The following FRMPD2 variants were observed in gnomAD, a reference collection of about 807,000 sequenced individuals.
FRMPD2 encodes the protein FERM and PDZ domain containing 2, also known as FERM and PDZ domain-containing protein 2.
In FRMPD2, 96 loss-of-function variants were observed where a neutral mutation model predicts 140.1. The observed-to-expected ratio is 0.69, with a 90% CI of 0.58 to 0.81. FRMPD2 has a LOEUF of 0.81. Ranked by LOEUF, FRMPD2 falls within the 40% of genes least tolerant of loss-of-function variation. The probability of loss-of-function intolerance (pLI) is 0.00; values close to 1 mark genes in which losing one functional copy is unlikely to be tolerated. For missense variants in FRMPD2, 1,240 were observed against 1,447.4 expected (o/e 0.86, Z 2.32); for synonymous variants, 449 against 547.6 (o/e 0.82, Z 2.52).
At chr10:48,175,625 C>T (rs1838386295) in intron 23 of FRMPD2, among the ~76,000 whole-genome samples, 1 of 152,000 alleles carries the variant, frequency 6.6e-6, no homozygotes, top group Non-Finnish European at 1.5e-5. Context: ...ATCACCTATG[C>T]TTCCCAGTGT....
rs990005692 is a variant in FRMPD2 at position 48,195,968 on chromosome 10, A to T, written c.1955-3074T>A. Reference sequence around the variant, plus strand: ...GTCTGCACAGCAGAGGGAGTGGTCCATCCACCTAGGAAGAGCCACCTGGGG... The same window carrying T: ...GTCTGCACAGCAGAGGGAGTGGTCCTTCCACCTAGGAAGAGCCACCTGGGG... On this transcript the variant is annotated intron_variant, in intron 15 of 28. Transcript: ENST00000374201. Among the ~76,000 whole-genome samples, 6 of 152,234 alleles carry T rather than the reference A, an allele frequency of 3.9e-5. No homozygotes were observed. The East Asian group carries it at 7.7e-4, about 20-fold the overall frequency.
intron 3 of FRMPD2, among the ~76,000 whole-genome samples, chr10:48,246,117 C>T (rs1840243104): frequency 6.6e-6 from 1 of 151,858 alleles, no homozygotes; most frequent in South Asian, 2.1e-4. Flanking sequence ...AGAGAAAGGA[C>T]CCAAAGAGCA....
At chr10:48,178,592 A>C (rs1468535205) in intron 21 of FRMPD2, among the ~76,000 whole-genome samples, 1 of 152,032 alleles carries the variant, frequency 6.6e-6, no homozygotes, top group African/African-American at 2.4e-5. Flanking sequence ...TCTAAAGTCC[A>C]CCATACCACA....
At chr10:48,235,620 C>T (rs1380300796) in intron 9 of FRMPD2, among the ~76,000 whole-genome samples, 5 of 152,178 alleles carry the variant, frequency 3.3e-5, no homozygotes, top group Non-Finnish European at 5.9e-5. Flanking sequence ...CCACTCAAGC[C>T]CTGCCTCCAA....
intron 2 of FRMPD2, among the ~76,000 whole-genome samples, chr10:48,250,941 C>T (rs940317097): frequency 2.7e-5 from 4 of 150,736 alleles, no homozygotes; most frequent in Non-Finnish European, 4.4e-5. Flanking sequence ...AGATTACAGG[C>T]GAGCGCAACC....
At chr10:48,191,023 A>G (rs1373167620) in intron 16 of FRMPD2, among the ~76,000 whole-genome samples, 1 of 152,230 alleles carries the variant, frequency 6.6e-6, no homozygotes, top group Non-Finnish European at 1.5e-5. Flanking sequence ...CAAGAAGTGG[A>G]GACTATTTCT....
intron 14 of FRMPD2, among the ~76,000 whole-genome samples, chr10:48,202,251 A>G (rs1421332562): frequency 6.6e-6 from 1 of 152,224 alleles, no homozygotes; most frequent in Admixed American, 6.5e-5. Context: ...AAGAACCTTC[A>G]GCTTGCTCCT....
At chr10:48,229,339 A>G (rs779815190) in intron 10 of FRMPD2, among the ~76,000 whole-genome samples, 18 of 152,152 alleles carry the variant, frequency 1.2e-4, no homozygotes, top group Non-Finnish European at 2.1e-4. Flanking sequence ...CAATTATTTT[A>G]CAGTGACCAG....
At position 48,238,017 on chromosome 10, in the gene FRMPD2, T is replaced by G. The variant is rs143502223; in HGVS notation, c.895A>C (p.Arg299=). Reference sequence around the variant, plus strand: ...TTGCTCCTTCTTTGCAGAAAACCCCTCTGAGAAGGAGTTGTTGGCCATGAG... The same window carrying G: ...TTGCTCCTTCTTTGCAGAAAACCCCGCTGAGAAGGAGTTGTTGGCCATGAG... The part of the protein sequence containing the change: ...DSSWPTTPSQ[R]GFLQRRSKFS... Residue 299 remains arginine, a synonymous_variant, in exon 8 of 29, where the codon AGG becomes CGG. Transcript: ENST00000374201. 151 of 1,614,148 alleles carry G rather than the reference T, an allele frequency of 9.4e-5. No individual in the cohort carries two copies. The highest frequency in any genetic ancestry group is 1.2e-4 in the Non-Finnish European group (143 of 1,180,028).
intron 13 of FRMPD2, among the ~76,000 whole-genome samples, chr10:48,207,202 A>G: frequency 6.6e-6 from 1 of 150,564 alleles, no homozygotes; most frequent in East Asian, 1.9e-4. Flanking sequence ...AACAGTACTT[A>G]GAATACAGTT....
In FRMPD2 at chr10:48,201,249, G is replaced by A; in HGVS notation, c.1933C>T (p.Gln645Ter). The A allele has an allele frequency of 6.2e-7, 1 of 1,610,960 alleles. No homozygotes were observed. Among genetic ancestry groups the A allele is most frequent in the Non-Finnish European group, 8.5e-7 (1 of 1,178,314 alleles). ...TCACCAAATAAAACATGGGAAGGCT[G>A]CCCAGAGCCCATCTGTGCATTAAAC... The part of the protein sequence containing the change: ...HGFNAQMGSG[Q>*]PSHVLFDHDK... The change falls in exon 15 of 29, where the codon CAG becomes TAG. Residue 645 changes from glutamine (Q) to a stop codon, truncating the protein, a stop_gained. Coordinates refer to ENST00000374201, the MANE Select transcript of FRMPD2 (RefSeq NM_001018071.4). LOFTEE classifies it high-confidence loss of function.
chr10:48,222,248 A>G, intron 12 of FRMPD2, 65 bp downstream of exon 12: 2 of 1,546,410 alleles, frequency 1.3e-6, no homozygotes, highest in Non-Finnish European at 8.8e-7. Context: ...TTACTAACAC[A>G]TGCCCTCATC....
chr10:48,192,652 T>G, intron 16 of FRMPD2, 32 bp downstream of exon 16: 2 of 1,581,454 alleles, frequency 1.3e-6, no homozygotes, highest in South Asian at 2.2e-5. Flanking sequence ...ACATGGTGGT[T>G]TGGGCCCAGA....
chr10:48,235,120 C>T (rs1190040562), intron 9 of FRMPD2, among the ~76,000 whole-genome samples: 1 of 152,136 alleles, frequency 6.6e-6, no homozygotes, highest in East Asian at 1.9e-4. Flanking sequence ...CAGGAAGTGT[C>T]CTCAGAAGGT....
chr10:48,243,456 T>C (rs1840173555), intron 4 of FRMPD2, among the ~76,000 whole-genome samples: 1 of 152,114 alleles, frequency 6.6e-6, no homozygotes. Context: ...AAAATAGCAA[T>C]GTGGGGTCCC....
chr10:48,230,036 G>C (rs1043249665), intron 10 of FRMPD2, among the ~76,000 whole-genome samples: 3 of 152,100 alleles, frequency 2.0e-5, no homozygotes, highest in Non-Finnish European at 2.9e-5. Context: ...ATTACATGAG[G>C]CTGAACGAAC....
intron 10 of FRMPD2, 99 bp downstream of exon 10, chr10:48,232,016 T>C: frequency 9.1e-7 from 1 of 1,103,746 alleles, no homozygotes; most frequent in Non-Finnish European, 1.4e-6. Flanking sequence ...GGCACCCAAG[T>C]CTCAAACAGT....
At chr10:48,178,196 A>T (rs782650474) in intron 21 of FRMPD2, 45 bp from the exon 22 acceptor site, 83 of 1,295,430 alleles carry the variant, frequency 6.4e-5, no homozygotes, top group East Asian at 9.3e-5. Context: ...ATGAAGGAAG[A>T]TGTCACCTCT....
chr10:48,191,981 C>A (rs1038858115), intron 16 of FRMPD2, among the ~76,000 whole-genome samples: 3 of 152,156 alleles, frequency 2.0e-5, no homozygotes, highest in African/African-American at 7.2e-5. Flanking sequence ...ATGAGAACAA[C>A]GGAAACACTT....
Sources: allele counts gnomAD v4.1 joint callset (sites outside exome capture counted in the v4.1 genomes callset), GRCh38; gene constraint gnomAD v4.1.1; transcripts MANE v1.5; gene names NCBI Gene and HGNC (gene_info 2026-07-23, HGNC 2026-07-21).